Variants in KLHL3 observed in about 807,000 individuals in gnomAD.
KLHL3 encodes the protein kelch-like protein 3.
A neutral mutation model predicts 70.5 loss-of-function variants in KLHL3; 19 were observed. That is an observed-to-expected ratio of 0.27 (90% CI 0.19 to 0.40). KLHL3 has a LOEUF of 0.40. Ranked by LOEUF, KLHL3 falls within the 10% of genes least tolerant of loss-of-function variation. The pLI is 1.00. For missense variants in KLHL3, 512 were observed against 771.1 expected (o/e 0.66, Z 3.98); for synonymous variants, 258 against 290.3 (o/e 0.89, Z 1.13).
intron 3 of KLHL3, chr5:137,706,064 T>C: frequency 1.0e-6 from 1 of 985,452 alleles, no homozygotes; most frequent in Non-Finnish European, 1.2e-6. Context: ...TTCACATTTA[T>C]TCCAAGTTAT....
chr5:137,685,089 G>C (rs983663239), intron 5 of KLHL3, among the ~76,000 whole-genome samples: 1 of 152,208 alleles, frequency 6.6e-6, no homozygotes, highest in Non-Finnish European at 1.5e-5. Flanking sequence ...CAGAAGGCAA[G>C]ACTGGCTTTA....
At chr5:137,631,693 C>A (rs956822009) in intron 12 of KLHL3, among the ~76,000 whole-genome samples, 1 of 152,210 alleles carries the variant, frequency 6.6e-6, no homozygotes, top group East Asian at 1.9e-4. Flanking sequence ...GTATCCACCT[C>A]GTAGGGCTGC....
intron 12 of KLHL3, among the ~76,000 whole-genome samples, chr5:137,631,964 G>C (rs1022232634): frequency 6.6e-6 from 1 of 152,078 alleles, no homozygotes; most frequent in African/African-American, 2.4e-5. Context: ...AAAATGTTAA[G>C]TTGTTGAACC....
chr5:137,673,998 G>C (rs1162504465), intron 6 of KLHL3: 1 of 152,178 alleles, frequency 6.6e-6, no homozygotes, highest in African/African-American at 2.4e-5. Context: ...CCTTAGGAAA[G>C]GCTCCAGTCA....
chr5:137,681,621 A>T (rs1221214785), intron 5 of KLHL3, among the ~76,000 whole-genome samples: 3 of 152,090 alleles, frequency 2.0e-5, no homozygotes, highest in African/African-American at 7.2e-5. Flanking sequence ...TGGGGGAGGG[A>T]TGCATGTGCC....
At chr5:137,622,160 G>A in intron 14 of KLHL3, 34 bp from the exon 15 acceptor site, 2 of 1,613,320 alleles carry the variant, frequency 1.2e-6, no homozygotes, top group East Asian at 2.2e-5. Flanking sequence ...TATCATCTTA[G>A]CTTCTCCAAA....
intron 8 of KLHL3, among the ~76,000 whole-genome samples, chr5:137,653,280 A>G (rs1168052603): frequency 1.3e-5 from 2 of 152,120 alleles, no homozygotes; most frequent in African/African-American, 4.8e-5. Flanking sequence ...TTAGTTAAAA[A>G]ACTATCTTCC....
intron 1 of KLHL3, among the ~76,000 whole-genome samples, chr5:137,734,828 T>C (rs1753235210): frequency 6.6e-6 from 1 of 152,228 alleles, no homozygotes; most frequent in Non-Finnish European, 1.5e-5. Context: ...ATGTCACCTC[T>C]GCACTGCGCT....
In KLHL3 at chr5:137,637,398, G is replaced by T; in HGVS notation, c.1220-3C>A. 1 of 1,613,376 alleles carries T rather than the reference G, an allele frequency of 6.2e-7. No homozygotes were observed. The highest frequency in any genetic ancestry group is 1.1e-5 in the South Asian group (1 of 91,050). On this transcript the variant is annotated splice_polypyrimidine_tract_variant and splice_region_variant and intron_variant, in intron 10 of 14. Transcript: ENST00000309755. Reference sequence around the variant, plus strand: ...GTAGGCTTCCACCGATGCTAGGCCTGGGAGACAAGAGACTCATGAGACTTC... The same window carrying T: ...GTAGGCTTCCACCGATGCTAGGCCTTGGAGACAAGAGACTCATGAGACTTC...
intron 2 of KLHL3, among the ~76,000 whole-genome samples, chr5:137,715,606 A>G (rs940915641): frequency 6.6e-6 from 1 of 152,314 alleles, no homozygotes; most frequent in African/African-American, 2.4e-5. Flanking sequence ...TAGTCCTCTT[A>G]TCTCCTGCCA....
intron 1 of KLHL3, among the ~76,000 whole-genome samples, chr5:137,722,092 A>G (rs1753007501): frequency 6.6e-6 from 1 of 152,046 alleles, no homozygotes; most frequent in African/African-American, 2.4e-5. Flanking sequence ...CAATGAGGGT[A>G]CTCTCCTTTG....
At chr5:137,682,688 G>C (rs1178255160) in intron 5 of KLHL3, among the ~76,000 whole-genome samples, 1 of 152,104 alleles carries the variant, frequency 6.6e-6, no homozygotes, top group Non-Finnish European at 1.5e-5. Context: ...TTTATTACAT[G>C]AATCTTTCTA....
At chr5:137,684,431 A>G (rs1203553020) in intron 5 of KLHL3, among the ~76,000 whole-genome samples, 1 of 152,180 alleles carries the variant, frequency 6.6e-6, no homozygotes, top group Non-Finnish European at 1.5e-5. Flanking sequence ...TGCCTTAATT[A>G]CTTCATTCCA....
intron 6 of KLHL3, among the ~76,000 whole-genome samples, chr5:137,668,852 T>A (rs1174717919): frequency 6.6e-6 from 1 of 152,144 alleles, no homozygotes; most frequent in Admixed American, 6.5e-5. Flanking sequence ...AGCAAATGAA[T>A]CAACAGATGA....
At chr5:137,677,762 G>A (rs141612161) in intron 5 of KLHL3, 108 bp from the exon 6 acceptor site, 178 of 599,306 alleles carry the variant, frequency 3.0e-4, no homozygotes, top group Middle Eastern at 1.9e-3. Context: ...GCAGGCCAGG[G>A]GGACCATGGA....
intron 2 of KLHL3, among the ~76,000 whole-genome samples, chr5:137,711,661 T>C (rs572751688): frequency 6.6e-6 from 1 of 152,250 alleles, no homozygotes; most frequent in East Asian, 1.9e-4. Flanking sequence ...GAACTGGCTC[T>C]TCCCCTAACT....
At chr5:137,680,941 C>T (rs1034735093) in intron 5 of KLHL3, among the ~76,000 whole-genome samples, 4 of 151,864 alleles carry the variant, frequency 2.6e-5, no homozygotes, top group East Asian at 1.9e-4. Context: ...TAGAAGGCTG[C>T]GCAGGAAGAT....
At chr5:137,729,871 T>G (rs1371393726) in intron 1 of KLHL3, among the ~76,000 whole-genome samples, 2 of 152,142 alleles carry the variant, frequency 1.3e-5, no homozygotes, top group Non-Finnish European at 2.9e-5. Flanking sequence ...GACTTGGTGG[T>G]GCAGTCCTGC....
intron 1 of KLHL3, among the ~76,000 whole-genome samples, chr5:137,728,954 T>G (rs1348080676): frequency 2.0e-5 from 3 of 149,096 alleles, no homozygotes; most frequent in African/African-American, 7.4e-5. Flanking sequence ...AACCAGCACG[T>G]GTACCCCTGA....
Sources: gnomAD v4.1 joint callset for allele counts (sites outside exome capture counted in the v4.1 genomes callset) on GRCh38, gnomAD v4.1.1 for gene constraint, MANE v1.5 for transcripts, NCBI Gene and HGNC (gene_info 2026-07-23, HGNC 2026-07-21) for gene names.